Variants in VPS52 observed in about 807,000 individuals in gnomAD.
The protein encoded by VPS52 is vacuolar protein sorting-associated protein 52 homolog.
A neutral mutation model predicts 98.7 loss-of-function variants in VPS52; 56 were observed. The observed-to-expected ratio is 0.57, with a 90% CI of 0.46 to 0.71. VPS52 has a LOEUF of 0.71. Ranked by LOEUF, VPS52 falls within the 30% of genes least tolerant of loss-of-function variation. The pLI, the probability that VPS52 is intolerant of heterozygous loss-of-function variation, is 0.00. For synonymous variants in VPS52, 348 were observed against 346.4 expected, an observed-to-expected ratio of 1.00 and a Z score of -0.05; for missense variants, 742 against 925.9, an observed-to-expected ratio of 0.80 and a Z score of 2.58.
chr6:33,259,929 C>G (rs1416146145), intron 17 of VPS52, among the ~76,000 whole-genome samples: 1 of 152,126 alleles, frequency 6.6e-6, no homozygotes, highest in Non-Finnish European at 1.5e-5. Flanking sequence ...ATCTTATTAG[C>G]AGCAAGACTA....
At chr6:33,251,677 G>A (rs1349637490) in intron 18 of VPS52, 41 bp from the exon 19 acceptor site, 1 of 1,520,910 alleles carries the variant, frequency 6.6e-7, no homozygotes, top group Non-Finnish European at 9.1e-7. Flanking sequence ...GGATCTGGCT[G>A]ATCTTCAACT....
intron 1 of VPS52, chr6:33,271,195 T>C: frequency 1.7e-6 from 1 of 587,854 alleles, no homozygotes; most frequent in Non-Finnish European, 3.0e-6. Context: ...ATGTATACAA[T>C]AGGTTCTATC....
At chr6:33,254,455 A>G (rs929353775) in intron 17 of VPS52, among the ~76,000 whole-genome samples, 1 of 152,164 alleles carries the variant, frequency 6.6e-6, no homozygotes, top group African/African-American at 2.4e-5. Flanking sequence ...AATTCAACCT[A>G]TTACAGTTGC....
chr6:33,263,389 AC>A, intron 17 of VPS52, 94 bp downstream of exon 17: 1 of 991,198 alleles, frequency 1.0e-6, no homozygotes, highest in Non-Finnish European at 1.5e-6. Flanking sequence ...CTCCCTACAC[AC>A]ACACACACAC....
chr6:33,254,027 C>CA lies in VPS52; in HGVS notation c.1795-2057dup, dbSNP rs530260406. On this transcript the variant is annotated intron_variant, in intron 17 of 19. Coordinates refer to ENST00000445902, the MANE Select transcript of VPS52 (RefSeq NM_022553.6). Reference sequence around the variant, plus strand: ...GTTTAATGTAAAAGGGAGATTCAAACAAAAAAACTCATAAAAGCAAACAAC... The same window carrying CA: ...GTTTAATGTAAAAGGGAGATTCAAACAAAAAAAACTCATAAAAGCAAACAAC... Among the ~76,000 whole-genome samples, 12 of 151,810 alleles carry CA rather than the reference C, an allele frequency of 7.9e-5. No homozygotes were observed. In the South Asian group the frequency reaches 1.2e-3, roughly 16 times the overall value.
chr6:33,267,080 G>C lies in VPS52; in HGVS notation c.1125+108C>G. On this transcript the variant is annotated intron_variant, in intron 11 of 19. Transcript: ENST00000445902. This position sits in a 1 kb window ranked among gnomAD's most constrained non-coding sequence, Gnocchi z 4.2. Reference sequence around the variant, plus strand: ...GAGAAGGCCACTCCCAAGTCTAAGGGGATTAAGACAGGGCCTGCAGGTTGG... The same window carrying C: ...GAGAAGGCCACTCCCAAGTCTAAGGCGATTAAGACAGGGCCTGCAGGTTGG... 5 of 1,395,760 alleles carry C rather than the reference G, an allele frequency of 3.6e-6. No homozygotes were observed. The South Asian group carries it at 9.5e-5, about 26-fold the overall frequency. The allele number at this position is 1,395,760 out of a possible 1,614,324, so 86.5% of individuals were successfully genotyped here.
chr6:33,262,080 AAAG>A (rs942355034), intron 17 of VPS52, among the ~76,000 whole-genome samples: 3 of 148,524 alleles, frequency 2.0e-5, no homozygotes, highest in Non-Finnish European at 4.5e-5. Context: ...CTGCACAGCT[AAAG>A]AAACAATAAA....
Position 33,266,557 on chromosome 6 carries a change from C to A in VPS52, c.1281G>T (p.Leu427=). 6.3e-7 allele frequency: 1 copy of A among 1,599,590 alleles called. No individual in the cohort carries two copies. The highest frequency in any genetic ancestry group is 8.5e-7 in the Non-Finnish European group (1 of 1,172,184). Residue 427 remains leucine, a splice_region_variant and synonymous_variant, in exon 12 of 20, where the codon CTG becomes CTT. Transcript: ENST00000445902. ...ATGGTACAGGAAACAGGAGTCTTAC[C>A]AGGGTCATGCTGAGTGTACGGCCCA... ...AVMGRTLSMT[L]KHLDSYLADC...
chr6:33,257,823 C>T (rs1445237892), intron 17 of VPS52, among the ~76,000 whole-genome samples: 1 of 152,080 alleles, frequency 6.6e-6, no homozygotes, highest in Non-Finnish European at 1.5e-5. Flanking sequence ...GCCTGGGCAA[C>T]ATAGTGAGAC....
At chr6:33,269,306 G>A (rs1390733372) in intron 5 of VPS52, 117 bp from the exon 6 acceptor site, 1 of 1,443,622 alleles carries the variant, frequency 6.9e-7, no homozygotes, top group Non-Finnish European at 9.6e-7. Context: ...GGCAGATGAT[G>A]AGACACCCCA....
At chr6:33,271,563 G>A (rs756602161) in intron 1 of VPS52, 23 bp downstream of exon 1, 2 of 1,584,206 alleles carry the variant, frequency 1.3e-6, no homozygotes, top group Non-Finnish European at 1.7e-6. Flanking sequence ...AACTACGGAG[G>A]AGAAACAGCT....
At position 33,251,877 on chromosome 6, in the gene VPS52, C is replaced by G; in HGVS notation, c.1889G>C (p.Arg630Pro). ...CCTCATACCTTCTTCCCCTCGAAGT[C>G]GCTCAGCCTGTCCACGCTCAATCAA... The part of the protein sequence containing the change: ...EALIERGQAE[R>P]LRGEEARVTQ... The change falls in exon 18 of 20, where the codon CGA (arginine) becomes CCA (proline). Residue 630 changes from arginine (R) to proline (P), a missense_variant. This residue lies in a region of VPS52 where 590 missense variants were observed against 793.3 expected (regional missense o/e 0.74). Coordinates refer to ENST00000445902, the MANE Select transcript of VPS52 (RefSeq NM_022553.6). 1 of 1,613,418 alleles carries G rather than the reference C, an allele frequency of 6.2e-7. No homozygotes were observed. Among genetic ancestry groups the G allele is most frequent in the Non-Finnish European group, 8.5e-7 (1 of 1,180,048 alleles).
chr6:33,255,018 T>C (rs1762765315), intron 17 of VPS52: 1 of 152,182 alleles, frequency 6.6e-6, no homozygotes, highest in African/African-American at 2.4e-5. Flanking sequence ...ATATTTTGGA[T>C]GTAGTGGTTT....
chr6:33,255,794 T>TA (rs35038222), intron 17 of VPS52, among the ~76,000 whole-genome samples: 2,092 of 97,842 alleles, frequency 0.021, 39 homozygotes, highest in Middle Eastern at 0.056. Context: ...AGACTCTGTC[T>TA]AAAAAAAAAA....
At chr6:33,266,485 C>G in intron 12 of VPS52, 72 bp downstream of exon 12, 2 of 1,475,216 alleles carry the variant, frequency 1.4e-6, no homozygotes, top group Non-Finnish European at 1.8e-6. Context: ...CTACCAGAGT[C>G]ATGACCCCAC....
At chr6:33,264,338 T>C in intron 14 of VPS52, 36 bp downstream of exon 14, 1 of 1,610,940 alleles carries the variant, frequency 6.2e-7, no homozygotes, top group South Asian at 1.1e-5. Context: ...GAGCCCTGCC[T>C]TTCAAGAACC....
Position 33,268,415 on chromosome 6 carries a change from T to G in VPS52, c.699+84A>C. ...TGAAGTCCCTGGAGACAGGCTACAG[T>G]GAGCTCTGCCAAGGAAATCCATAGT... On this transcript the variant is annotated intron_variant, in intron 7 of 19. Transcript: ENST00000445902. This position sits in a 1 kb window ranked among gnomAD's most constrained non-coding sequence, Gnocchi z 4.0. 2.0e-6 allele frequency: 3 copies of G among 1,507,638 alleles called. No homozygotes were observed. Among genetic ancestry groups the G allele is most frequent in the Non-Finnish European group, 2.7e-6 (3 of 1,117,926 alleles). 93.4% of individuals were successfully genotyped at this position (1,507,638 alleles called of 1,614,324 possible).
chr6:33,263,402 CACACACACACACAG>C (rs1363129049), intron 17 of VPS52, 68 bp downstream of exon 17: 60 of 1,344,714 alleles, frequency 4.5e-5, no homozygotes, highest in Middle Eastern at 4.8e-4. Context: ...CACACACACA[CACACACACACACAG>C]AGAGAGAGAG....
At chr6:33,254,515 C>T (rs560065940) in intron 17 of VPS52, among the ~76,000 whole-genome samples, 216 of 152,126 alleles carry the variant, frequency 1.4e-3, no homozygotes, top group Non-Finnish European at 2.2e-3. Context: ...TAGCAGTGTA[C>T]GGTGGGGCAC....
Sources: gnomAD v4.1 joint callset for allele counts (sites outside exome capture counted in the v4.1 genomes callset) on GRCh38, gnomAD v4.1.1 for gene constraint, gnomAD v4.1.1 regional missense constraint, Gnocchi (gnomAD v3.1) non-coding constraint, MANE v1.5 for transcripts, NCBI Gene and HGNC (gene_info 2026-07-23, HGNC 2026-07-21) for gene names.